THSD7B: variants seen among roughly 807,000 people sequenced by gnomAD.
THSD7B encodes the protein thrombospondin type-1 domain-containing protein 7B.
In THSD7B, 138 loss-of-function variants were observed where a neutral mutation model predicts 213.6. The observed-to-expected ratio is 0.65, with a 90% confidence interval of 0.56 to 0.74. The LOEUF (loss-of-function observed/expected upper bound fraction) is 0.74, where lower values mean the gene tolerates loss of function less well. Ranked by LOEUF, THSD7B falls within the 30% of genes least tolerant of loss-of-function variation. THSD7B has a pLI of 0.00. For synonymous variants in THSD7B, 742 were observed against 687.0 expected, an observed-to-expected ratio of 1.08 and a Z score of -1.25; for missense variants, 1,931 against 1,991.5, an observed-to-expected ratio of 0.97 and a Z score of 0.58.
chr2:137,034,489 C>T (rs1686734773), intron 2 of THSD7B, among the ~76,000 whole-genome samples: 1 of 152,102 alleles, frequency 6.6e-6, no homozygotes, highest in African/African-American at 2.4e-5. Flanking sequence ...CATAGGTATA[C>T]ATGGGCCGAA....
rs1374734437 is a variant in THSD7B, at chr2:137,160,365, A to T, written c.1522A>T (p.Lys508Ter). 1.9e-6 allele frequency: 3 copies of T among 1,611,514 alleles called. No homozygotes were observed. The Admixed American group carries it at 5.0e-5, about 27-fold the overall frequency. ...AAACTGTCATGATCCTCAGGGGAAA[A>T]AAGGTGAGTGCCTTGTTTGCATGCG... ...HENCHDPQGK[K>*]GFRTRQRHVL... The change falls in exon 6 of 28, where the codon AAA (lysine) becomes TAA (stop). Residue 508 changes from lysine (K) to a stop codon, truncating the protein, a stop_gained. Transcript: ENST00000409968. LOFTEE classifies it high-confidence loss of function.
intron 17 of THSD7B, among the ~76,000 whole-genome samples, chr2:137,584,667 T>A (rs1302708415): frequency 6.6e-6 from 1 of 152,232 alleles, no homozygotes; most frequent in Non-Finnish European, 1.5e-5. Context: ...GAACCAGCCT[T>A]GCATCCTAGA....
intron 17 of THSD7B, among the ~76,000 whole-genome samples, chr2:137,603,293 C>T (rs1682110144): frequency 6.6e-6 from 1 of 152,222 alleles, no homozygotes; most frequent in South Asian, 2.1e-4. Context: ...AGTGAAGAGA[C>T]TGAGACATGG....
intron 17 of THSD7B, among the ~76,000 whole-genome samples, chr2:137,609,890 G>A (rs988238741): frequency 6.6e-6 from 1 of 152,102 alleles, no homozygotes; most frequent in African/African-American, 2.4e-5. Context: ...GAGGTAGATG[G>A]GTTGTGCATT....
chr2:137,252,111 T>C (rs1277741784), intron 10 of THSD7B, among the ~76,000 whole-genome samples: 4 of 151,330 alleles, frequency 2.6e-5, no homozygotes, highest in African/African-American at 9.7e-5. Flanking sequence ...ACTGAAAATA[T>C]AAAAAATTAG....
At chr2:136,791,568 A>G (rs1449639585) in intron 1 of THSD7B, among the ~76,000 whole-genome samples, 1 of 143,130 alleles carries the variant, frequency 7.0e-6, no homozygotes, top group Non-Finnish European at 1.5e-5. Context: ...CATCCGAGGC[A>G]ACCCTAATCT....
At chr2:137,562,750 A>C (rs1681148575) in intron 15 of THSD7B, among the ~76,000 whole-genome samples, 3 of 152,048 alleles carry the variant, frequency 2.0e-5, no homozygotes, top group Non-Finnish European at 4.4e-5. Context: ...CATAAAAAGA[A>C]ATTTCCGGTA....
Position 137,601,873 on chromosome 2 carries a change from G to A in THSD7B, c.3424-14302G>A, listed in dbSNP as rs904014907. Among the ~76,000 whole-genome samples, 4 of 152,168 alleles carry A rather than the reference G, an allele frequency of 2.6e-5. No homozygotes were observed. In the East Asian group the frequency reaches 5.8e-4, roughly 22 times the overall value. ...ATTTGAAACTGAGCCTCATTCAGGA[G>A]CCAACATCTGTATCCTTTCAGCTCC... On this transcript the variant is annotated intron_variant, in intron 17 of 27. Coordinates refer to ENST00000409968, the MANE Select transcript of THSD7B (RefSeq NM_001316349.2).
chr2:137,557,499 A>G (rs953364851), intron 15 of THSD7B, among the ~76,000 whole-genome samples: 1 of 152,186 alleles, frequency 6.6e-6, no homozygotes, highest in Non-Finnish European at 1.5e-5. Flanking sequence ...AGAAATAAAG[A>G]TGTTCTTTGA....
chr2:137,306,971 A>C (rs548557492), intron 12 of THSD7B, among the ~76,000 whole-genome samples: 20 of 152,270 alleles, frequency 1.3e-4, no homozygotes, highest in Non-Finnish European at 2.6e-4. Context: ...AAGTACTTTA[A>C]ATTCTCTTCT....
At position 137,437,085 on chromosome 2, in the gene THSD7B, T is replaced by A. The variant is rs151004934; in HGVS notation, c.2960-13760T>A. Among the ~76,000 whole-genome samples, 307 of 152,280 alleles carry A rather than the reference T, an allele frequency of 2.0e-3. 1 individual carries two copies. Among genetic ancestry groups the A allele is most frequent in the African/African-American group, 6.9e-3 (288 of 41,572 alleles). ...TATCTCAGTTTTCTTGAATAACACTTGAAGATTTTATCTCATCTTTTTTCC... is the reference window on the plus strand; with the variant it reads ...TATCTCAGTTTTCTTGAATAACACTAGAAGATTTTATCTCATCTTTTTTCC... On this transcript the variant is annotated intron_variant, in intron 14 of 27. Transcript: ENST00000409968.
chr2:136,911,612 T>C (rs1249952618), intron 2 of THSD7B, among the ~76,000 whole-genome samples: 1 of 152,228 alleles, frequency 6.6e-6, no homozygotes, highest in African/African-American at 2.4e-5. Context: ...TGTCTTTCCT[T>C]ATAGATGTAA....
chr2:137,256,954 G>T (rs1484717530), intron 10 of THSD7B, among the ~76,000 whole-genome samples: 1 of 152,172 alleles, frequency 6.6e-6, no homozygotes, highest in African/African-American at 2.4e-5. Context: ...CGCATTTGGT[G>T]AGAGCCTTCT....
chr2:137,475,307 C>G (rs764253321), intron 15 of THSD7B, among the ~76,000 whole-genome samples: 2 of 152,164 alleles, frequency 1.3e-5, no homozygotes, highest in Non-Finnish European at 1.5e-5. Flanking sequence ...TCCATTGCCT[C>G]AAGTATTTAT....
At chr2:137,369,409 T>C (rs1685495190) in intron 12 of THSD7B, among the ~76,000 whole-genome samples, 1 of 152,184 alleles carries the variant, frequency 6.6e-6, no homozygotes, top group South Asian at 2.1e-4. Context: ...CCAGAATTCA[T>C]GTCTACTGCT....
rs200254141 is a variant in THSD7B at position 137,150,102 on chromosome 2, TGTG to T, written c.1370-10104_1370-10102del. Among the ~76,000 whole-genome samples the T allele has an allele frequency of 6.9e-3, 1,044 of 151,352 alleles. 9 individuals carry two copies. The highest frequency in any genetic ancestry group is 0.024 in the African/African-American group (988 of 41,266). ...TACTAAAAATACAAAACTAGCCAGGTGTGGTGGTGCATGCCTGTAATCCCAGCT... is the reference window on the plus strand; with the variant it reads ...TACTAAAAATACAAAACTAGCCAGGTGTGGTGCATGCCTGTAATCCCAGCT... On this transcript the variant is annotated intron_variant, in intron 5 of 27. Transcript: ENST00000409968.
intron 2 of THSD7B, chr2:136,991,037 A>C: frequency 2.0e-6 from 2 of 977,944 alleles, no homozygotes; most frequent in Non-Finnish European, 2.8e-6. Flanking sequence ...GGAGAAAGAA[A>C]GATGGTTATG....
chr2:137,023,014 A>C (rs1686473877), intron 2 of THSD7B, among the ~76,000 whole-genome samples: 1 of 152,186 alleles, frequency 6.6e-6, no homozygotes, highest in African/African-American at 2.4e-5. Context: ...AAACAAACAC[A>C]CAAGAAGACA....
chr2:137,072,309 A>G (rs1687510031), intron 3 of THSD7B, among the ~76,000 whole-genome samples: 1 of 152,034 alleles, frequency 6.6e-6, no homozygotes, highest in Admixed American at 6.6e-5. Flanking sequence ...GTTCTCCTTG[A>G]AGAGGTCCTT....
Sources: gnomAD v4.1 joint callset for allele counts (sites outside exome capture counted in the v4.1 genomes callset) on GRCh38, gnomAD v4.1.1 for gene constraint, MANE v1.5 for transcripts, NCBI Gene and HGNC (gene_info 2026-07-23, HGNC 2026-07-21) for gene names.